The following LRRTM3 variants were observed in gnomAD, a reference collection of about 807,000 sequenced individuals.
The protein encoded by LRRTM3 is leucine rich repeat transmembrane neuronal 3, also known as leucine-rich repeat transmembrane neuronal protein 3.
Under a neutral mutation model 44.7 loss-of-function variants are expected in LRRTM3, and 24 were observed. The observed-to-expected ratio is 0.54, with a 90% CI of 0.39 to 0.76. The LOEUF (loss-of-function observed/expected upper bound fraction) is 0.76. LRRTM3 is among the 30% of genes least tolerant of loss of function. The pLI is 0.00. For synonymous variants in LRRTM3, 277 were observed against 278.7 expected, an observed-to-expected ratio of 0.99 and a Z score of 0.06; for missense variants, 587 against 702.2, an observed-to-expected ratio of 0.84 and a Z score of 1.85.
At chr10:67,090,314 C>G (rs1364871096) in intron 2 of LRRTM3, among the ~76,000 whole-genome samples, 2 of 152,098 alleles carry the variant, frequency 1.3e-5, no homozygotes, top group Non-Finnish European at 2.9e-5. Context: ...TCATAAACTA[C>G]GTTTCTTTCC....
At chr10:66,971,701 C>T (rs1247993253) in intron 2 of LRRTM3, among the ~76,000 whole-genome samples, 1 of 152,140 alleles carries the variant, frequency 6.6e-6, no homozygotes, top group East Asian at 1.9e-4. Context: ...GTATAAACCA[C>T]TCCCACCTCA....
At chr10:66,997,418 C>A (rs1564820883) in intron 2 of LRRTM3, among the ~76,000 whole-genome samples, 1 of 152,156 alleles carries the variant, frequency 6.6e-6, no homozygotes, top group Admixed American at 6.6e-5. Flanking sequence ...TTAAAACTAG[C>A]ACTTTAAGCA....
In LRRTM3 at chr10:67,019,722, T is replaced by C. The variant is rs189451826; in HGVS notation, c.1537-77865T>C. On this transcript the variant is annotated intron_variant, in intron 2 of 2. Transcript: ENST00000361320. Reference sequence around the variant, plus strand: ...TGTCATCCCTTCCATATAAATAGTCTTAAAATAACCTCAGTTAATCCTTTG... The same window carrying C: ...TGTCATCCCTTCCATATAAATAGTCCTAAAATAACCTCAGTTAATCCTTTG... Among the ~76,000 whole-genome samples the C allele has an allele frequency of 9.9e-5, 15 of 152,264 alleles. No individual in the cohort carries two copies. In the East Asian group the frequency reaches 2.7e-3, roughly 27 times the overall value.
intron 2 of LRRTM3, among the ~76,000 whole-genome samples, chr10:66,936,795 C>G (rs12260653): frequency 0.018 from 2,775 of 152,158 alleles, 75 homozygotes; most frequent in African/African-American, 0.063. Context: ...GTTTCTTATG[C>G]GTTATCAAAT....
chr10:66,956,822 A>G (rs1589488902), intron 2 of LRRTM3, among the ~76,000 whole-genome samples: 3 of 152,214 alleles, frequency 2.0e-5, no homozygotes, highest in Non-Finnish European at 4.4e-5. Flanking sequence ...GCTCAACAGT[A>G]ACCAATATTC....
intron 2 of LRRTM3, among the ~76,000 whole-genome samples, chr10:66,942,447 G>A (rs1008577643): frequency 3.9e-5 from 6 of 152,000 alleles, no homozygotes; most frequent in African/African-American, 4.8e-5. Flanking sequence ...TGTTAGTATT[G>A]TGTTTCTTCT....
At chr10:67,055,915 C>T (rs1204158158) in intron 2 of LRRTM3, among the ~76,000 whole-genome samples, 1 of 152,028 alleles carries the variant, frequency 6.6e-6, no homozygotes, top group African/African-American at 2.4e-5. Context: ...GAATTCTGGT[C>T]AAGGAGGAAT....
chr10:67,078,374 T>G (rs189918379), intron 2 of LRRTM3, among the ~76,000 whole-genome samples: 1 of 152,306 alleles, frequency 6.6e-6, no homozygotes. Flanking sequence ...GAATATTTGT[T>G]CTGTAAGGAA....
chr10:67,040,050 T>C (rs1257233194), intron 2 of LRRTM3, among the ~76,000 whole-genome samples: 1 of 152,078 alleles, frequency 6.6e-6, no homozygotes, highest in African/African-American at 2.4e-5. Context: ...TCCACACCCA[T>C]TCATCTCTCT....
Position 66,935,730 on chromosome 10 carries a change from T to C in LRRTM3, c.1536+7278T>C, listed in dbSNP as rs978920378. ...TTATTATGTACCAGGAATTTGTATA[T>C]ATTATCTAATGATTTGATAAAAAGT... On this transcript the variant is annotated intron_variant, in intron 2 of 2. Coordinates refer to ENST00000361320, the MANE Select transcript of LRRTM3 (RefSeq NM_178011.5). Among the ~76,000 whole-genome samples the C allele has an allele frequency of 5.3e-5, 8 of 152,014 alleles. No homozygotes were observed. The East Asian group carries it at 1.5e-3, about 29-fold the overall frequency.
chr10:67,033,596 C>T (rs1009030356), intron 2 of LRRTM3, among the ~76,000 whole-genome samples: 5 of 152,156 alleles, frequency 3.3e-5, no homozygotes, highest in African/African-American at 1.2e-4. Context: ...ACTGTTCTAA[C>T]TACATATTGT....
intron 2 of LRRTM3, among the ~76,000 whole-genome samples, chr10:67,033,482 T>C (rs939907361): frequency 1.3e-5 from 2 of 152,232 alleles, no homozygotes; most frequent in Non-Finnish European, 2.9e-5. Flanking sequence ...TGAAAACCAT[T>C]ACTGTATACT....
chr10:67,012,910 C>T (rs943992305), intron 2 of LRRTM3: 1 of 152,012 alleles, frequency 6.6e-6, no homozygotes, highest in African/African-American at 2.4e-5. Flanking sequence ...TAATTAGCAG[C>T]AAAGACACGC....
rs545468284 is a variant in LRRTM3, at chr10:67,101,129, C to T, written c.*3333C>T. The stretch of plus-strand genomic sequence containing the variant: ...TCACATATTTCTTAACATACAAGTT[C>T]GTTTGTGAATGTGCAGAACAGATGC... On this transcript the variant is annotated 3_prime_UTR_variant, in exon 3 of 3. Coordinates refer to ENST00000361320, the MANE Select transcript of LRRTM3 (RefSeq NM_178011.5). 6.6e-6 allele frequency among the ~76,000 whole-genome samples: 1 copy of T among 151,740 alleles called. No homozygotes were observed. Among genetic ancestry groups the T allele is most frequent in the Admixed American group, 6.6e-5 (1 of 15,180 alleles).
At chr10:66,978,552 A>AAAAATATATATATATATATATAT in intron 2 of LRRTM3, among the ~76,000 whole-genome samples, 2 of 37,882 alleles carry the variant, frequency 5.3e-5, no homozygotes, top group African/African-American at 1.7e-4. Flanking sequence ...AAAAAAAAAA[A>AAAAATATATATATATATATATAT]ATATATATAT....
intron 2 of LRRTM3, among the ~76,000 whole-genome samples, chr10:66,994,153 T>C (rs563598656): frequency 3.9e-5 from 6 of 152,162 alleles, no homozygotes; most frequent in African/African-American, 1.4e-4. Context: ...TATATTCTTA[T>C]AGAAGGTCCC....
rs2132625334 is a variant in LRRTM3, at chr10:66,927,885, T to C, written c.969T>C (p.Leu323=). The C allele has an allele frequency of 6.2e-7, 1 of 1,614,248 alleles. No homozygotes were observed. The highest frequency in any genetic ancestry group is 8.5e-7 in the Non-Finnish European group (1 of 1,180,042). ...AATGCAGCAGAAATATTTGCTCCCT[T>C]GTAAACTGGCTGAAAAGTTTTAAAG... The part of the protein sequence containing the change: ...IWECSRNICS[L]VNWLKSFKGL... Residue 323 remains leucine, a synonymous_variant, in exon 2 of 3, where the codon CTT becomes CTC. Transcript: ENST00000361320. This position sits in a 1 kb window ranked among gnomAD's most constrained non-coding sequence, Gnocchi z 4.7.
chr10:67,068,564 A>G (rs138633607), intron 2 of LRRTM3, among the ~76,000 whole-genome samples: 76 of 152,356 alleles, frequency 5.0e-4, no homozygotes, highest in Non-Finnish European at 1.0e-3. Flanking sequence ...AAGCAGGTCA[A>G]GAACAGAACT....
At chr10:67,049,740 T>C (rs922696373) in intron 2 of LRRTM3, among the ~76,000 whole-genome samples, 5 of 152,188 alleles carry the variant, frequency 3.3e-5, no homozygotes, top group Non-Finnish European at 7.4e-5. Context: ...CCTCAGTCTA[T>C]ACACAAAAAT....
Sources: gnomAD v4.1 joint callset for allele counts (sites outside exome capture counted in the v4.1 genomes callset) on GRCh38, gnomAD v4.1.1 for gene constraint, Gnocchi (gnomAD v3.1) non-coding constraint, MANE v1.5 for transcripts, NCBI Gene and HGNC (gene_info 2026-07-23, HGNC 2026-07-21) for gene names.